The following BDH2 variants were observed in gnomAD, a reference collection of about 807,000 sequenced individuals.
BDH2 encodes 3-hydroxybutyrate dehydrogenase 2, also known as dehydrogenase/reductase SDR family member 6.
In BDH2, 24 loss-of-function variants were observed where a neutral mutation model predicts 33.2. That is an observed-to-expected ratio of 0.72 (90% CI 0.52 to 1.02). The LOEUF is 1.02. Ranked by LOEUF, BDH2 falls within the 50% of genes least tolerant of loss-of-function variation. The pLI is 0.00. For missense variants in BDH2, 249 were observed against 301.6 expected (o/e 0.83, Z 1.29); for synonymous variants, 81 against 101.6 (o/e 0.80, Z 1.22).
chr4:103,082,796 A>C, intron 8 of BDH2, 75 bp downstream of exon 8: 1 of 1,294,002 alleles, frequency 7.7e-7, no homozygotes, highest in South Asian at 1.2e-5. Context: ...TGTCTCTATG[A>C]ATTTGTCTGC....
rs1419817008 is a variant in BDH2, at chr4:103,086,313, AG to A, written c.418+166del. ...AATTTTACCACTGGCTCACATCGAG[AG>A]CAAAAGATCTGTGGTTAAGGAACTT... On this transcript the variant is annotated intron_variant, in intron 6 of 9. Transcript: ENST00000296424. 21 of 1,333,392 alleles carry A rather than the reference AG, an allele frequency of 1.6e-5. No individual in the cohort carries two copies. In the African/African-American group the frequency reaches 2.8e-4, roughly 18 times the overall value. 82.6% of individuals were successfully genotyped at this position (1,333,392 alleles called of 1,614,324 possible).
At chr4:103,095,510 T>TAA (rs1008393240) in intron 2 of BDH2, among the ~76,000 whole-genome samples, 16 of 152,194 alleles carry the variant, frequency 1.1e-4, no homozygotes, top group Admixed American at 2.0e-4. Context: ...ACTTAGTCCC[T>TAA]TTAAGTAATA....
At position 103,082,153 on chromosome 4, in the gene BDH2, C is replaced by G. The variant is rs568349668; in HGVS notation, c.612G>C (p.Lys204Asn). 104 of 1,614,122 alleles carry G rather than the reference C, an allele frequency of 6.4e-5. 1 individual carries two copies. In the South Asian group the frequency reaches 1.1e-3, roughly 17 times the overall value. ...TTGCGAATCTTCCCGTCTTTTGTCT[C>G]TTCAGGAAATCATTCCGTGCCTGTG... Reference protein sequence around the residue: ...NPEEARNDFLKRQKTGRFATA... With the variant: ...NPEEARNDFLNRQKTGRFATA... Residue 204 changes from lysine (K) to asparagine (N), a missense_variant, in exon 9 of 10, where the codon AAG becomes AAC. Transcript: ENST00000296424.
chr4:103,091,127 A>T, intron 5 of BDH2, 50 bp downstream of exon 5: 1 of 1,193,792 alleles, frequency 8.4e-7, no homozygotes, highest in Admixed American at 1.7e-5. Flanking sequence ...TGTGCCCAGT[A>T]CAGAGACCTA....
In BDH2 at chr4:103,077,718, G is replaced by A. The variant is rs908481125; in HGVS notation, c.*1984C>T. 8.5e-5 allele frequency among the ~76,000 whole-genome samples: 13 copies of A among 152,138 alleles called. No individual in the cohort carries two copies. Among genetic ancestry groups the A allele is most frequent in the African/African-American group, 2.4e-4 (10 of 41,416 alleles). On this transcript the variant is annotated 3_prime_UTR_variant, in exon 10 of 10. Coordinates refer to ENST00000296424, the MANE Select transcript of BDH2 (RefSeq NM_020139.4). ...AAAGTATTTCATGACATACTTGTAA[G>A]AGTCAGTGTTCTATGAATTCACTAG...
intron 5 of BDH2, among the ~76,000 whole-genome samples, chr4:103,087,250 A>G (rs1227425325): frequency 6.6e-6 from 1 of 152,160 alleles, no homozygotes; most frequent in Non-Finnish European, 1.5e-5. Flanking sequence ...TGTGGAAGCA[A>G]TGAGGCTGCA....
intron 5 of BDH2, among the ~76,000 whole-genome samples, chr4:103,088,546 C>T (rs962347262): frequency 3.3e-5 from 5 of 152,202 alleles, no homozygotes; most frequent in African/African-American, 9.6e-5. Context: ...CAGGAGCTGT[C>T]GTCATGGTGT....
At chr4:103,083,300 C>T (rs371634634) in intron 7 of BDH2, among the ~76,000 whole-genome samples, 1 of 152,144 alleles carries the variant, frequency 6.6e-6, no homozygotes, top group African/African-American at 2.4e-5. Context: ...TAGATAAAAT[C>T]GTACAAGCAC....
intron 6 of BDH2, chr4:103,085,767 GA>G (rs1747749615): frequency 7.5e-7 from 1 of 1,338,460 alleles, no homozygotes; most frequent in Non-Finnish European, 9.8e-7. Context: ...AAAAGAAAAT[GA>G]AGATTAATAA....
chr4:103,082,358 A>C (rs1747566048), intron 8 of BDH2, among the ~76,000 whole-genome samples, 185 bp from the exon 9 acceptor site: 1 of 152,210 alleles, frequency 6.6e-6, no homozygotes, highest in Non-Finnish European at 1.5e-5. Flanking sequence ...TAAAACCCAC[A>C]GATATTGTGA....
intron 4 of BDH2, chr4:103,092,261 G>A: frequency 4.1e-6 from 1 of 245,628 alleles, no homozygotes; most frequent in Non-Finnish European, 7.9e-6. Context: ...ATGTTTCTGG[G>A]TGTATTCTTA....
chr4:103,087,266 C>T (rs1340410480), intron 5 of BDH2, among the ~76,000 whole-genome samples: 2 of 152,092 alleles, frequency 1.3e-5, no homozygotes, highest in African/African-American at 2.4e-5. Flanking sequence ...CTGCAGAGGT[C>T]AACAAGGGCT....
intron 3 of BDH2, 74 bp from the exon 4 acceptor site, chr4:103,092,770 G>C: frequency 9.4e-7 from 1 of 1,062,072 alleles, no homozygotes; most frequent in Non-Finnish European, 1.4e-6. Context: ...GAAGTGTGAA[G>C]TGTGAAGATT....
At chr4:103,096,052 A>G (rs369144623) in intron 2 of BDH2, 131 bp downstream of exon 2, 9 of 595,394 alleles carry the variant, frequency 1.5e-5, no homozygotes, top group East Asian at 2.8e-5. Context: ...TTTATAACTT[A>G]AGACAACAGA....
At chr4:103,092,731 A>C (rs1412633915) in intron 3 of BDH2, 35 bp from the exon 4 acceptor site, 1 of 1,463,544 alleles carries the variant, frequency 6.8e-7, no homozygotes, top group Admixed American at 1.7e-5. Context: ...ATTCCTAAAA[A>C]TGTTTAGCCT....
At chr4:103,082,517 C>T (rs1747573003) in intron 8 of BDH2, among the ~76,000 whole-genome samples, 1 of 152,068 alleles carries the variant, frequency 6.6e-6, no homozygotes, top group Non-Finnish European at 1.5e-5. Flanking sequence ...TGTTGTGCCA[C>T]CATCACCACT....
chr4:103,078,723 T>G lies in BDH2; in HGVS notation c.*979A>C, dbSNP rs749121823. 6.6e-6 allele frequency among the ~76,000 whole-genome samples: 1 copy of G among 152,182 alleles called. No homozygotes were observed. Among genetic ancestry groups the G allele is most frequent in the Non-Finnish European group, 1.5e-5 (1 of 68,028 alleles). ...ATCTACATACAGAACAATGCAGAAT[T>G]ATATAAAAATATTTGAATATTGAAA... On this transcript the variant is annotated 3_prime_UTR_variant, in exon 10 of 10. Coordinates refer to ENST00000296424, the MANE Select transcript of BDH2 (RefSeq NM_020139.4).
intron 5 of BDH2, among the ~76,000 whole-genome samples, chr4:103,087,100 G>A (rs1176989565): frequency 6.6e-6 from 1 of 152,166 alleles, no homozygotes; most frequent in Admixed American, 6.5e-5. Flanking sequence ...TCCTGAGAAG[G>A]AAGGATATGG....
At chr4:103,089,420 A>G (rs1415199340) in intron 5 of BDH2, among the ~76,000 whole-genome samples, 1 of 152,158 alleles carries the variant, frequency 6.6e-6, no homozygotes, top group Non-Finnish European at 1.5e-5. Flanking sequence ...ACTTTAAACA[A>G]GAGGCACTAA....
Sources: gnomAD v4.1 joint callset for allele counts (sites outside exome capture counted in the v4.1 genomes callset) on GRCh38, gnomAD v4.1.1 for gene constraint, MANE v1.5 for transcripts, NCBI Gene and HGNC (gene_info 2026-07-23, HGNC 2026-07-21) for gene names.